SDHAF4: variants seen among roughly 807,000 people sequenced by gnomAD.
SDHAF4 encodes succinate dehydrogenase assembly factor 4, mitochondrial.
A neutral mutation model predicts 14.3 loss-of-function variants in SDHAF4; 14 were observed. That is an observed-to-expected ratio of 0.98 (90% confidence interval 0.65 to 1.53). The LOEUF (loss-of-function observed/expected upper bound fraction) is 1.53. Among genes scored for constraint, SDHAF4 ranks in the 40% most tolerant of loss-of-function variants. The pLI is 0.00. For missense variants in SDHAF4, 141 were observed against 129.3 expected (o/e 1.09, Z -0.44); for synonymous variants, 63 against 47.3 (o/e 1.33, Z -1.36).
intron 2 of SDHAF4, among the ~76,000 whole-genome samples, chr6:70,587,198 A>ACACACACACACACACAC (rs58942545): frequency 2.0e-4 from 29 of 143,528 alleles, no homozygotes; most frequent in South Asian, 2.3e-4. Context: ...ACACACACAC[A>ACACACACACACACACAC]AGAATTAGGG....
In SDHAF4 at chr6:70,579,182, A is replaced by C. The variant is rs1031650242; in HGVS notation, c.65-232A>C. 2.0e-5 allele frequency among the ~76,000 whole-genome samples: 3 copies of C among 152,236 alleles called. No homozygotes were observed. The South Asian group carries it at 6.2e-4, about 31-fold the overall frequency. On this transcript the variant is annotated intron_variant, in intron 1 of 2. Coordinates refer to ENST00000370474, the MANE Select transcript of SDHAF4 (RefSeq NM_145267.3). ...ATGTTTTAATATAAGTTTCTGCAAT[A>C]TTGATAACAATTAACTAATTTATTT...
intron 2 of SDHAF4, among the ~76,000 whole-genome samples, chr6:70,582,365 T>A (rs376865070): frequency 5.6e-4 from 85 of 152,298 alleles, no homozygotes; most frequent in African/African-American, 2.0e-3. Context: ...ACGCCCGGCT[T>A]AAAATGATTT....
At position 70,577,088 on chromosome 6, in the gene SDHAF4, C is replaced by A. The variant is rs1426047807; in HGVS notation, c.65-2326C>A. 9.2e-5 allele frequency among the ~76,000 whole-genome samples: 14 copies of A among 152,310 alleles called. No individual in the cohort carries two copies. In the East Asian group the frequency reaches 2.7e-3, roughly 29 times the overall value. On this transcript the variant is annotated intron_variant, in intron 1 of 2. Coordinates refer to ENST00000370474, the MANE Select transcript of SDHAF4 (RefSeq NM_145267.3). The stretch of plus-strand genomic sequence containing the variant: ...TCCTTGGCTTGCCCCCTTCCTCCAT[C>A]TTCAAAGCCAGCAACATCGGGTCTG...
the SDHAF4 span, among the ~76,000 whole-genome samples, chr6:70,597,215 C>T: frequency 1.0e-3 from 155 of 150,928 alleles, 3 homozygotes; most frequent in South Asian, 0.018. Flanking sequence ...CTCACTGCAA[C>T]CTCTGCCTCT....
intron 2 of SDHAF4, among the ~76,000 whole-genome samples, chr6:70,582,818 T>G (rs1419656419): frequency 1.3e-5 from 2 of 152,230 alleles, no homozygotes; most frequent in Non-Finnish European, 2.9e-5. Flanking sequence ...CAAGCCTCTC[T>G]GCTTCCTCGT....
chr6:70,595,110 A>C, the SDHAF4 span, among the ~76,000 whole-genome samples: 1 of 152,068 alleles, frequency 6.6e-6, no homozygotes, highest in Non-Finnish European at 1.5e-5. Flanking sequence ...AGGAAAAGTC[A>C]AGTCCAGTGT....
At chr6:70,570,775 AT>A (rs1275851523) in intron 1 of SDHAF4, among the ~76,000 whole-genome samples, 3 of 151,376 alleles carry the variant, frequency 2.0e-5, no homozygotes, top group Non-Finnish European at 4.4e-5. Context: ...AAATTGCTAC[AT>A]TTTTTTTTAA....
At chr6:70,574,707 A>T (rs1050378575) in intron 1 of SDHAF4, among the ~76,000 whole-genome samples, 5 of 152,068 alleles carry the variant, frequency 3.3e-5, no homozygotes, top group African/African-American at 1.2e-4. Context: ...AGGCAAGAGG[A>T]TCACTTGAGT....
Position 70,567,096 on chromosome 6 carries a change from G to C in SDHAF4, c.64+92G>C, listed in dbSNP as rs1202862330. 3.9e-6 allele frequency: 5 copies of C among 1,293,792 alleles called. No individual in the cohort carries two copies. The African/African-American group carries it at 7.4e-5, about 19-fold the overall frequency. The allele number at this position is 1,293,792 out of a possible 1,614,324, so 80.1% of individuals were successfully genotyped here. A position where few individuals can be genotyped will look rare whatever the true frequency, so the allele number is the denominator to read the frequency against. ...GCCTCCCGCGGAGGAAGCCGCGTGT[G>C]TCCTGGCCGTTCGGTGTTGCCAGGG... is the stretch of plus-strand genomic sequence containing the variant. On this transcript the variant is annotated intron_variant, in intron 1 of 2. Coordinates refer to ENST00000370474, the MANE Select transcript of SDHAF4 (RefSeq NM_145267.3).
chr6:70,592,797 G>A (rs758923543), downstream of SDHAF4, among the ~76,000 whole-genome samples: 1 of 152,222 alleles, frequency 6.6e-6, no homozygotes, highest in Non-Finnish European at 1.5e-5. Flanking sequence ...ACATGTGGTA[G>A]AGAATGAAAG....
At chr6:70,584,260 T>C (rs540297882) in intron 2 of SDHAF4, among the ~76,000 whole-genome samples, 13 of 152,194 alleles carry the variant, frequency 8.5e-5, no homozygotes, top group African/African-American at 3.1e-4. Flanking sequence ...CGTGATCCGC[T>C]CGCCTCGGCC....
At chr6:70,582,673 C>T (rs1765146743) in intron 2 of SDHAF4, among the ~76,000 whole-genome samples, 1 of 152,130 alleles carries the variant, frequency 6.6e-6, no homozygotes. Flanking sequence ...CCTGCCTCTT[C>T]CTGTCTCCTG....
chr6:70,587,168 T>TCACA (rs56012930), intron 2 of SDHAF4, among the ~76,000 whole-genome samples: 2,481 of 135,532 alleles, frequency 0.018, 65 homozygotes, highest in African/African-American at 0.059. Flanking sequence ...TGAAACTCCA[T>TCACA]CACACACACA....
chr6:70,568,983 T>TTTTTTTTTTTTTTTTTTTGG (rs398001917), intron 1 of SDHAF4, among the ~76,000 whole-genome samples: 1 of 124,926 alleles, frequency 8.0e-6, no homozygotes, highest in African/African-American at 3.0e-5. Flanking sequence ...TTTTTTTTTT[T>TTTTTTTTTTTTTTTTTTTGG]GAGGCGGAGT....
chr6:70,574,755 C>G (rs1457956714), intron 1 of SDHAF4, among the ~76,000 whole-genome samples: 1 of 152,012 alleles, frequency 6.6e-6, no homozygotes. Flanking sequence ...CATAGTGAGA[C>G]CCCCATCTCT....
chr6:70,588,491 GC>G (rs1307139833), intron 2 of SDHAF4, 123 bp from the exon 3 acceptor site: 1 of 448,430 alleles, frequency 2.2e-6, no homozygotes, highest in East Asian at 3.5e-5. Context: ...CTGCAATCCA[GC>G]CTGGGCAACA....
chr6:70,575,115 T>C (rs1041910031), intron 1 of SDHAF4, among the ~76,000 whole-genome samples: 5 of 152,204 alleles, frequency 3.3e-5, no homozygotes, highest in Non-Finnish European at 5.9e-5. Context: ...CCATGGCTTA[T>C]GCCTGTAATC....
Position 70,584,286 on chromosome 6 carries a change from G to T in SDHAF4, c.218-4329G>T, listed in dbSNP as rs548954083. ...CGCCTCGGCCTCCCACAGTGCTGGG[G>T]TTACAGGCATGAGCCACCACGCCTG... On this transcript the variant is annotated intron_variant, in intron 2 of 2. Coordinates refer to ENST00000370474, the MANE Select transcript of SDHAF4 (RefSeq NM_145267.3). 2.0e-4 allele frequency among the ~76,000 whole-genome samples: 30 copies of T among 152,220 alleles called. No individual in the cohort carries two copies. In the South Asian group the frequency reaches 6.2e-3, roughly 32 times the overall value.
rs751486491 is a variant in SDHAF4, at chr6:70,579,441, G to A, written c.92G>A (p.Arg31Lys). 6.2e-6 allele frequency: 10 copies of A among 1,605,574 alleles called. No individual in the cohort carries two copies. The highest frequency in any genetic ancestry group is 8.5e-6 in the Non-Finnish European group (10 of 1,175,678). ...ARSPLLCHSL[R>K]KTSSSQGGKS... is the part of the protein sequence containing the mutation. ...TCACCCCTTCTGTGTCATTCTCTGA[G>A]GAAAACAAGTTCTTCTCAAGGAGGA... The change falls in exon 2 of 3, where the codon AGG (arginine) becomes AAG (lysine). Residue 31 changes from arginine to lysine, a missense_variant. Transcript: ENST00000370474.
Sources: gnomAD v4.1 joint callset for allele counts (sites outside exome capture counted in the v4.1 genomes callset) on GRCh38, gnomAD v4.1.1 for gene constraint, MANE v1.5 for transcripts, NCBI Gene and HGNC (gene_info 2026-07-23, HGNC 2026-07-21) for gene names.